The following NRG2 variants were observed in gnomAD, a reference collection of about 807,000 sequenced individuals.
NRG2 encodes neuregulin 2.
Under a neutral mutation model 73.9 loss-of-function variants are expected in NRG2, and 27 were observed. That is an observed-to-expected ratio of 0.37 (90% CI 0.27 to 0.50). The LOEUF (loss-of-function observed/expected upper bound fraction) is 0.50. Ranked by LOEUF, NRG2 falls within the 20% of genes least tolerant of loss-of-function variation. The pLI is 0.96. For synonymous variants in NRG2, 532 were observed against 541.0 expected, an observed-to-expected ratio of 0.98 and a Z score of 0.23; for missense variants, 1,126 against 1,210.1, an observed-to-expected ratio of 0.93 and a Z score of 1.03.
At chr5:139,999,513 T>G in intron 1 of NRG2, among the ~76,000 whole-genome samples, 1 of 152,206 alleles carries the variant, frequency 6.6e-6, no homozygotes. Flanking sequence ...TGGCCTGCAT[T>G]GCCCTATCCA....
chr5:139,897,157 C>T (rs1764596671), intron 1 of NRG2, among the ~76,000 whole-genome samples: 1 of 152,236 alleles, frequency 6.6e-6, no homozygotes, highest in Admixed American at 6.5e-5. Context: ...GAGGGTCAGA[C>T]ATGCAAGCTG....
chr5:140,020,903 C>T (rs902188805), intron 1 of NRG2, among the ~76,000 whole-genome samples: 3 of 152,098 alleles, frequency 2.0e-5, no homozygotes, highest in Non-Finnish European at 4.4e-5. Flanking sequence ...GAGTACATCT[C>T]GGAGCCAATG....
Position 139,887,508 on chromosome 5 carries a change from G to T in NRG2, c.704C>A (p.Thr235Asn). Reference protein sequence around the residue: ...VGKILCTDCATRPKLKKMKSQ... With the variant: ...VGKILCTDCANRPKLKKMKSQ... The stretch of plus-strand genomic sequence containing the variant: ...CTTCATCTTCTTCAACTTGGGCCGG[G>T]TGGCTGTGGGTTACAAGGCAGGTAG... Residue 235 changes from threonine (T) to asparagine (N), a missense_variant, in exon 2 of 10, where the codon ACC becomes AAC. Physicochemically the swap from Thr to Asn is moderately conservative, Grantham distance 65. This residue lies in a region of NRG2 where 539 missense variants were observed against 703.2 expected (regional missense o/e 0.77). Coordinates refer to ENST00000361474, the MANE Select transcript of NRG2 (RefSeq NM_004883.3). This position sits in a 1 kb window ranked among gnomAD's most constrained non-coding sequence, Gnocchi z 4.5. The T allele has an allele frequency of 6.2e-7, 1 of 1,613,998 alleles. No homozygotes were observed. Among genetic ancestry groups the T allele is most frequent in the East Asian group, 2.2e-5 (1 of 44,870 alleles).
In NRG2 at chr5:140,042,877, G is replaced by A. The variant is rs1162135397; in HGVS notation, c.193C>T (p.Pro65Ser). 6.6e-7 allele frequency: 1 copy of A among 1,520,432 alleles called. No individual in the cohort carries two copies. The highest frequency in any genetic ancestry group is 2.0e-5 in the Admixed American group (1 of 49,998). 94.2% of individuals were successfully genotyped at this position (1,520,432 alleles called of 1,614,324 possible). The change falls in exon 1 of 10, where the codon CCG (proline) becomes TCG (serine). Residue 65 changes from proline (P) to serine (S), a missense_variant. Coordinates refer to ENST00000361474, the MANE Select transcript of NRG2 (RefSeq NM_004883.3). Reference protein sequence around the residue: ...SISRPAAPPEPRPQQQPQPRS... With the variant: ...SISRPAAPPESRPQQQPQPRS... Reference sequence around the variant, plus strand: ...GGCTGCGGCTGTTGCTGCGGCCGCGGCTCTGGGGGCGCAGCGGGACGAGAG... The same window carrying A: ...GGCTGCGGCTGTTGCTGCGGCCGCGACTCTGGGGGCGCAGCGGGACGAGAG...
At chr5:139,938,977 GAAGGAAGGA>G (rs1382184249) in intron 1 of NRG2, among the ~76,000 whole-genome samples, 1 of 139,550 alleles carries the variant, frequency 7.2e-6, no homozygotes, top group Non-Finnish European at 1.5e-5. Context: ...GGAAGGAAGG[GAAGGAAGGA>G]AAGGAAGGAA....
chr5:139,955,544 T>C (rs1742042501), intron 1 of NRG2, among the ~76,000 whole-genome samples: 1 of 152,056 alleles, frequency 6.6e-6, no homozygotes, highest in Non-Finnish European at 1.5e-5. Flanking sequence ...TGGGTAATCA[T>C]GGGAGGGGCT....
rs143987770 is a variant in NRG2 at position 139,999,108 on chromosome 5, C to T, written c.700+43262G>A. Among the ~76,000 whole-genome samples the T allele has an allele frequency of 2.3e-3, 346 of 152,296 alleles. 1 individual carries two copies. The highest frequency in any genetic ancestry group is 8.0e-3 in the African/African-American group (334 of 41,568). On this transcript the variant is annotated intron_variant, in intron 1 of 9. Transcript: ENST00000361474. ...AAGCTAGCTGGAGTTCCTCATCCTTCAAGCAGACAACTCCATGAGGCATTC... is the reference window on the plus strand; with the variant it reads ...AAGCTAGCTGGAGTTCCTCATCCTTTAAGCAGACAACTCCATGAGGCATTC...
chr5:139,897,341 C>T (rs1036432020), intron 1 of NRG2, among the ~76,000 whole-genome samples: 2 of 152,184 alleles, frequency 1.3e-5, no homozygotes, highest in South Asian at 4.1e-4. Flanking sequence ...AAGAAGTTTG[C>T]ACAGTGCCTG....
intron 1 of NRG2, among the ~76,000 whole-genome samples, chr5:140,015,854 C>T (rs971436781): frequency 1.3e-5 from 2 of 152,202 alleles, no homozygotes; most frequent in South Asian, 4.1e-4. Flanking sequence ...CTCCCAGATG[C>T]TTTAGCTGTT....
At position 139,847,862 on chromosome 5, in the gene NRG2, CTG is replaced by C. The variant is rs1471804976; in HGVS notation, c.*53_*54del. 2.6e-6 allele frequency: 3 copies of C among 1,141,760 alleles called. No homozygotes were observed. Among genetic ancestry groups the C allele is most frequent in the Non-Finnish European group, 3.4e-6 (3 of 879,730 alleles). The allele number at this position is 1,141,760 out of a possible 1,614,324, so 70.7% of individuals were successfully genotyped here. On this transcript the variant is annotated 3_prime_UTR_variant, in exon 10 of 10. Coordinates refer to ENST00000361474, the MANE Select transcript of NRG2 (RefSeq NM_004883.3). ...CTCCTTTCTCTCCAGTAGGCGGTCT[CTG>C]GTCTCCTTAAAGATAGTGGGGCGGG...
intron 2 of NRG2, among the ~76,000 whole-genome samples, chr5:139,883,238 C>T (rs996618700): frequency 7.4e-6 from 1 of 135,590 alleles, no homozygotes; most frequent in Non-Finnish European, 1.6e-5. Context: ...CCTCCCCCCT[C>T]CCCCCTACCT....
intron 2 of NRG2, among the ~76,000 whole-genome samples, chr5:139,883,237 T>A (rs1047409181): frequency 3.0e-5 from 1 of 33,818 alleles, no homozygotes; most frequent in Non-Finnish European, 6.1e-5. Context: ...CCCTCCCCCC[T>A]CCCCCCTACC....
At chr5:139,923,561 A>G (rs1166926352) in intron 1 of NRG2, among the ~76,000 whole-genome samples, 1 of 152,170 alleles carries the variant, frequency 6.6e-6, no homozygotes, top group Non-Finnish European at 1.5e-5. Flanking sequence ...CCTTCTCTCC[A>G]ACAAAAGGTT....
chr5:140,003,619 A>AT (rs1758668250), intron 1 of NRG2, among the ~76,000 whole-genome samples: 1 of 152,156 alleles, frequency 6.6e-6, no homozygotes, highest in South Asian at 2.1e-4. Context: ...ACTAAGACTG[A>AT]TTTTGGATTT....
In NRG2 at chr5:139,852,396, A is replaced by C. The variant is rs760231809; in HGVS notation, c.1544+36T>G. ...CACTTTGCGCCAGATGAAGTATGTG[A>C]GTCTACAAGTTTCCATGGGCCTTGG... On this transcript the variant is annotated intron_variant, in intron 8 of 9. Transcript: ENST00000361474. This position sits in a 1 kb window ranked among gnomAD's most constrained non-coding sequence, Gnocchi z 4.4. 1.2e-6 allele frequency: 2 copies of C among 1,603,546 alleles called. No homozygotes were observed. The highest frequency in any genetic ancestry group is 1.1e-5 in the South Asian group (1 of 89,208).
intron 1 of NRG2, among the ~76,000 whole-genome samples, chr5:139,978,840 G>A (rs1249158775): frequency 1.3e-5 from 2 of 151,872 alleles, no homozygotes; most frequent in Non-Finnish European, 2.9e-5. Flanking sequence ...CAACCCAAAT[G>A]TCCATCAATG....
At chr5:139,860,256 G>A (rs1403044126) in intron 5 of NRG2, among the ~76,000 whole-genome samples, 1 of 152,180 alleles carries the variant, frequency 6.6e-6, no homozygotes, top group Admixed American at 6.5e-5. Flanking sequence ...GGTAAGTGGG[G>A]GTGGGGGTCT....
At chr5:140,013,962 TG>T (rs1420409386) in intron 1 of NRG2, among the ~76,000 whole-genome samples, 1 of 152,224 alleles carries the variant, frequency 6.6e-6, no homozygotes, top group East Asian at 1.9e-4. Flanking sequence ...CCTTTAATAT[TG>T]TAGTGTCTAG....
At chr5:139,936,294 G>A (rs1752848833) in intron 1 of NRG2, among the ~76,000 whole-genome samples, 1 of 152,006 alleles carries the variant, frequency 6.6e-6, no homozygotes, top group African/African-American at 2.4e-5. Context: ...AAAAATGAGA[G>A]AAGATATAAA....
Sources: allele counts gnomAD v4.1 joint callset (sites outside exome capture counted in the v4.1 genomes callset), GRCh38; gene constraint gnomAD v4.1.1; regional missense constraint gnomAD v4.1.1; non-coding constraint Gnocchi (gnomAD v3.1); transcripts MANE v1.5; gene names NCBI Gene and HGNC (gene_info 2026-07-23, HGNC 2026-07-21).